Variants in FAM241A observed in about 807,000 individuals in gnomAD.
The protein encoded by FAM241A is uncharacterized protein FAM241A.
In FAM241A, 7 loss-of-function variants were observed where a neutral mutation model predicts 12.2. The observed-to-expected ratio is 0.58, with a 90% CI of 0.33 to 1.08. The LOEUF is 1.08. FAM241A is among the 50% of genes least tolerant of loss of function. The probability of loss-of-function intolerance (pLI) is 0.04; values close to 1 mark genes in which losing one functional copy is unlikely to be tolerated. For synonymous variants in FAM241A, 74 were observed against 68.2 expected (o/e 1.08, Z -0.42); for missense variants, 161 against 169.7 (o/e 0.95, Z 0.29).
At chr4:112,165,909 T>C (rs896872301) in intron 1 of FAM241A, among the ~76,000 whole-genome samples, 1 of 152,154 alleles carries the variant, frequency 6.6e-6, no homozygotes, top group African/African-American at 2.4e-5. Context: ...AAAAGTATAA[T>C]TGGATTGTTT....
chr4:112,186,737 T>A lies in FAM241A; in HGVS notation c.198T>A (p.Asp66Glu), dbSNP rs1281344223. 1.9e-6 allele frequency: 3 copies of A among 1,613,602 alleles called. No homozygotes were observed. Among genetic ancestry groups the A allele is most frequent in the Non-Finnish European group, 2.5e-6 (3 of 1,179,878 alleles). ...SQNHTGEPVG[D>E]DYKKMGTLFG... ...ACCACACTGGTGAGCCGGTTGGAGATGACTACAAGAAAATGGGAACACTTT... is the reference window on the plus strand; with the variant it reads ...ACCACACTGGTGAGCCGGTTGGAGAAGACTACAAGAAAATGGGAACACTTT... The change falls in exon 2 of 2, where the codon GAT (aspartate) becomes GAA (glutamate). Residue 66 changes from aspartate (D) to glutamate (E), a missense_variant. Asp to Glu is a conservative substitution (Grantham distance 45). Transcript: ENST00000309733.
At chr4:112,153,646 C>T (rs1026632457) in intron 1 of FAM241A, among the ~76,000 whole-genome samples, 2 of 152,068 alleles carry the variant, frequency 1.3e-5, no homozygotes, top group African/African-American at 4.8e-5. Context: ...TTCCCCATAC[C>T]CAGTGTTTCC....
intron 1 of FAM241A, 104 bp from the exon 2 acceptor site, chr4:112,186,589 G>A (rs1258296946): frequency 9.5e-7 from 1 of 1,051,698 alleles, no homozygotes; most frequent in Non-Finnish European, 1.4e-6. Context: ...ATAATTATCA[G>A]AAGTATGCCC....
intron 1 of FAM241A, among the ~76,000 whole-genome samples, chr4:112,175,634 G>A (rs1723805339): frequency 6.6e-6 from 1 of 152,050 alleles, no homozygotes; most frequent in Non-Finnish European, 1.5e-5. Flanking sequence ...TAGGTGTGGT[G>A]GCAGGTGCCT....
intron 1 of FAM241A, among the ~76,000 whole-genome samples, chr4:112,159,304 TC>T (rs1723415249): frequency 6.6e-6 from 1 of 152,208 alleles, no homozygotes; most frequent in Non-Finnish European, 1.5e-5. Flanking sequence ...AATCCCCACT[TC>T]CAGTTCTCTA....
chr4:112,194,382 T>A lies in FAM241A; in HGVS notation c.*7444T>A, dbSNP rs1488763282. 1.3e-5 allele frequency: 2 copies of A among 151,932 alleles called. No homozygotes were observed. The highest frequency in any genetic ancestry group is 2.4e-5 in the African/African-American group (1 of 41,346). 9.4% of individuals were successfully genotyped at this position (151,932 alleles called of 1,614,324 possible). On this transcript the variant is annotated 3_prime_UTR_variant, in exon 2 of 2. Transcript: ENST00000309733. ...TTGCCCTGGCCAGAACTTCCAACAC[T>A]ATGTTGAATAGGAGTGGTGAGAGAG...
intron 1 of FAM241A, among the ~76,000 whole-genome samples, chr4:112,177,367 C>T (rs1223188068): frequency 1.3e-5 from 2 of 152,064 alleles, no homozygotes; most frequent in Non-Finnish European, 2.9e-5. Flanking sequence ...GCAGCATTAA[C>T]TAGATGTTAG....
intron 1 of FAM241A, chr4:112,171,670 T>C (rs934441755): frequency 4.4e-6 from 2 of 453,814 alleles, no homozygotes; most frequent in African/African-American, 2.0e-5. Context: ...CTATCCTGGC[T>C]AACACGGTGA....
chr4:112,148,098 G>A (rs1723176130), intron 1 of FAM241A, among the ~76,000 whole-genome samples: 1 of 152,102 alleles, frequency 6.6e-6, no homozygotes, highest in Admixed American at 6.5e-5. Context: ...CTAATTTTCT[G>A]TATTAAGTCC....
chr4:112,178,296 A>G (rs1004052261), intron 1 of FAM241A, among the ~76,000 whole-genome samples: 2 of 152,172 alleles, frequency 1.3e-5, no homozygotes, highest in African/African-American at 4.8e-5. Flanking sequence ...GAGTATCCTA[A>G]TTATCCAGGT....
Position 112,159,063 on chromosome 4 carries a change from T to TG in FAM241A, c.153+13331dup, listed in dbSNP as rs1387486059. ...TAGCTCTCACATATGAATGAGAACT[T>TG]GCAATATTTGTCTTTCTGTGCCTGG... On this transcript the variant is annotated intron_variant, in intron 1 of 1. Coordinates refer to ENST00000309733, the MANE Select transcript of FAM241A (RefSeq NM_152400.3). 5.9e-5 allele frequency among the ~76,000 whole-genome samples: 9 copies of TG among 152,314 alleles called. No homozygotes were observed. The East Asian group carries it at 1.7e-3, about 29-fold the overall frequency.
chr4:112,190,832 A>G lies in FAM241A; in HGVS notation c.*3894A>G, dbSNP rs971832089. The G allele has an allele frequency of 6.6e-6, 1 of 152,108 alleles. No homozygotes were observed. The highest frequency in any genetic ancestry group is 1.5e-5 in the Non-Finnish European group (1 of 68,034). The allele number at this position is 152,108 out of a possible 1,614,324, so 9.4% of individuals were successfully genotyped here. A position where few individuals can be genotyped will look rare whatever the true frequency, so the allele number is the denominator to read the frequency against. Reference sequence around the variant, plus strand: ...TGCAACTCTTGTCTCTCTGCCCAACATTTAATTTTTGGTATGCGTTGGAGT... The same window carrying G: ...TGCAACTCTTGTCTCTCTGCCCAACGTTTAATTTTTGGTATGCGTTGGAGT... On this transcript the variant is annotated 3_prime_UTR_variant, in exon 2 of 2. Coordinates refer to ENST00000309733, the MANE Select transcript of FAM241A (RefSeq NM_152400.3).
intron 1 of FAM241A, among the ~76,000 whole-genome samples, chr4:112,181,755 C>T (rs1039036496): frequency 1.2e-4 from 18 of 152,174 alleles, no homozygotes; most frequent in Admixed American, 2.6e-4. Context: ...GCTGAAAGAC[C>T]TCTGTGGCTG....
At chr4:112,175,706 T>A (rs1394553306) in intron 1 of FAM241A, among the ~76,000 whole-genome samples, 1 of 151,360 alleles carries the variant, frequency 6.6e-6, no homozygotes, top group Non-Finnish European at 1.5e-5. Context: ...AGGCAGAGGT[T>A]GCAGTGAGCC....
intron 1 of FAM241A, among the ~76,000 whole-genome samples, chr4:112,172,839 G>A (rs1723750450): frequency 6.6e-6 from 1 of 152,020 alleles, no homozygotes; most frequent in African/African-American, 2.4e-5. Flanking sequence ...GTTCATTTAT[G>A]CGTTAATATG....
At position 112,189,704 on chromosome 4, in the gene FAM241A, T is replaced by C. The variant is rs1348695386; in HGVS notation, c.*2766T>C. The C allele has an allele frequency of 6.6e-6, 1 of 152,206 alleles. No individual in the cohort carries two copies. Among genetic ancestry groups the C allele is most frequent in the Non-Finnish European group, 1.5e-5 (1 of 68,036 alleles). The allele number at this position is 152,206 out of a possible 1,614,324, so 9.4% of individuals were successfully genotyped here. A position where few individuals can be genotyped will look rare whatever the true frequency, so the allele number is the denominator to read the frequency against. ...AGGCAGATCATTCCTAGTCCAGTAG[T>C]GTGCTGGAGCAAGCTTGCACTGGCT... is the stretch of plus-strand genomic sequence containing the variant. On this transcript the variant is annotated 3_prime_UTR_variant, in exon 2 of 2. Transcript: ENST00000309733.
rs1724135544 is a variant in FAM241A at position 112,190,144 on chromosome 4, C to G, written c.*3206C>G. 6.6e-6 allele frequency: 1 copy of G among 151,958 alleles called. No individual in the cohort carries two copies. Among genetic ancestry groups the G allele is most frequent in the Non-Finnish European group, 1.5e-5 (1 of 68,012 alleles). The allele number at this position is 151,958 out of a possible 1,614,324, so 9.4% of individuals were successfully genotyped here. A position where few individuals can be genotyped will look rare whatever the true frequency, so the allele number is the denominator to read the frequency against. ...CACCAAGCTGTAAATCCACTAAAGA[C>G]TATCCAGGCAATCAGGAAAGGCAAA... On this transcript the variant is annotated 3_prime_UTR_variant, in exon 2 of 2. Coordinates refer to ENST00000309733, the MANE Select transcript of FAM241A (RefSeq NM_152400.3).
Position 112,194,108 on chromosome 4 carries a change from C to T in FAM241A, c.*7170C>T, listed in dbSNP as rs886539266. 6 of 132,478 alleles carry T rather than the reference C, an allele frequency of 4.5e-5. No homozygotes were observed. Among genetic ancestry groups the T allele is most frequent in the African/African-American group, 1.9e-4 (6 of 32,324 alleles). The allele number at this position is 132,478 out of a possible 1,614,324, so 8.2% of individuals were successfully genotyped here. A position where few individuals can be genotyped will look rare whatever the true frequency, so the allele number is the denominator to read the frequency against. ...CCTAGGTATTTTGTTCTCTTTGAAG[C>T]AATTGTGAATGGGAGTTCACTCATG... On this transcript the variant is annotated 3_prime_UTR_variant, in exon 2 of 2. Coordinates refer to ENST00000309733, the MANE Select transcript of FAM241A (RefSeq NM_152400.3).
chr4:112,162,831 A>G (rs192968248), intron 1 of FAM241A, among the ~76,000 whole-genome samples: 12,530 of 152,248 alleles, frequency 0.082, 613 homozygotes, highest in African/African-American at 0.11. Context: ...TATGGAACCA[A>G]AAAAAGAGCC....
Sources: gnomAD v4.1 joint callset for allele counts (sites outside exome capture counted in the v4.1 genomes callset) on GRCh38, gnomAD v4.1.1 for gene constraint, MANE v1.5 for transcripts, NCBI Gene and HGNC (gene_info 2026-07-23, HGNC 2026-07-21) for gene names.